The following IHO1 variants were observed in gnomAD, a reference collection of about 807,000 sequenced individuals.
IHO1 encodes the protein interactor of HORMAD1 1.
A neutral mutation model predicts 31.0 loss-of-function variants in IHO1; 13 were observed. The observed-to-expected ratio is 0.42, with a 90% confidence interval of 0.27 to 0.67. The LOEUF (loss-of-function observed/expected upper bound fraction) is 0.67, where lower values mean the gene tolerates loss of function less well. IHO1 is among the 30% of genes least tolerant of loss of function. IHO1 has a pLI of 0.24. For missense variants in IHO1, 599 were observed against 687.5 expected, an observed-to-expected ratio of 0.87 and a Z score of 1.44; for synonymous variants, 221 against 248.4, an observed-to-expected ratio of 0.89 and a Z score of 1.04.
chr3:49,239,438 C>T (rs1156465774), intron 3 of IHO1, among the ~76,000 whole-genome samples: 2 of 150,648 alleles, frequency 1.3e-5, no homozygotes, highest in African/African-American at 2.4e-5. Context: ...TGCACCACCA[C>T]GCCCAGCTAA....
chr3:49,220,013 T>C (rs1323575362), intron 2 of IHO1, among the ~76,000 whole-genome samples: 3 of 152,186 alleles, frequency 2.0e-5, no homozygotes, highest in African/African-American at 7.2e-5. Flanking sequence ...CCTCCAGATC[T>C]TTCTTTTCCG....
chr3:49,211,933 TG>T, intron 2 of IHO1, 97 bp downstream of exon 2: 1 of 723,984 alleles, frequency 1.4e-6, no homozygotes, highest in South Asian at 1.5e-5. Context: ...GAGGCCAAGG[TG>T]GGCAGATCAC....
Position 49,247,049 on chromosome 3 carries a change from A to G in IHO1, c.532+2316A>G, listed in dbSNP as rs2046703889. ...TTTTTAGTAGAGACGGGGTTTCACC[A>G]TGTTGGCCAGGCTGGTCTCGAACTC... On this transcript the variant is annotated intron_variant, in intron 6 of 7. Coordinates refer to ENST00000452691, the MANE Select transcript of IHO1 (RefSeq NM_001135197.2). 2.0e-5 allele frequency among the ~76,000 whole-genome samples: 3 copies of G among 151,712 alleles called. No individual in the cohort carries two copies. The South Asian group carries it at 6.2e-4, about 32-fold the overall frequency.
intron 7 of IHO1, 51 bp downstream of exon 7, chr3:49,255,544 G>C: frequency 1.4e-5 from 12 of 887,274 alleles, no homozygotes; most frequent in Non-Finnish European, 2.0e-5. Flanking sequence ...CTTTGAACTA[G>C]ACCCAGAGAG....
intron 2 of IHO1, among the ~76,000 whole-genome samples, chr3:49,221,737 T>C (rs954285395): frequency 6.6e-6 from 1 of 152,194 alleles, no homozygotes; most frequent in Admixed American, 6.5e-5. Context: ...ATCTATAGAC[T>C]GATGGCCTCG....
rs768927173 is a variant in IHO1 at position 49,210,697 on chromosome 3, CTTT to C, written c.-15-1054_-15-1052del. Among the ~76,000 whole-genome samples, 6 of 131,576 alleles carry C rather than the reference CTTT, an allele frequency of 4.6e-5. No individual in the cohort carries two copies. The South Asian group carries it at 7.2e-4, about 16-fold the overall frequency. The allele number at this position is 131,576 out of a possible 152,430, so 86.3% of individuals were successfully genotyped here. On this transcript the variant is annotated intron_variant, in intron 1 of 7. Coordinates refer to ENST00000452691, the MANE Select transcript of IHO1 (RefSeq NM_001135197.2). ...TACAGGCGTGAGCCACTGCGCCCGG[CTTT>C]TTTTTTTTTTTTTTGAGATGGGGTC...
At chr3:49,224,709 G>A (rs964694739) in intron 2 of IHO1, among the ~76,000 whole-genome samples, 1 of 152,166 alleles carries the variant, frequency 6.6e-6, no homozygotes, top group African/African-American at 2.4e-5. Flanking sequence ...ACTTCCATCG[G>A]TATATAGGTT....
intron 4 of IHO1, among the ~76,000 whole-genome samples, chr3:49,242,596 T>C (rs2046644040): frequency 6.6e-6 from 1 of 152,184 alleles, no homozygotes; most frequent in African/African-American, 2.4e-5. Context: ...ATTTTTCTTT[T>C]CAGATCATCA....
intron 7 of IHO1, 147 bp from the exon 8 acceptor site, chr3:49,255,987 C>A: frequency 1.4e-6 from 1 of 689,970 alleles, no homozygotes; most frequent in East Asian, 2.6e-5. Flanking sequence ...GTTCAACTCC[C>A]GAGTGTAATT....
upstream of IHO1, among the ~76,000 whole-genome samples, chr3:49,195,766 T>A (rs1003016525): frequency 6.6e-6 from 1 of 151,280 alleles, no homozygotes; most frequent in Non-Finnish European, 1.5e-5. Flanking sequence ...AATATATAAA[T>A]AAAGTGTGCA....
chr3:49,250,680 T>C (rs1006954738), intron 6 of IHO1, among the ~76,000 whole-genome samples: 3 of 152,180 alleles, frequency 2.0e-5, no homozygotes, highest in Non-Finnish European at 4.4e-5. Flanking sequence ...TCTAATTGAT[T>C]GACACATGGA....
upstream of IHO1, chr3:49,198,917 C>T (rs1185656865): frequency 6.5e-6 from 1 of 152,842 alleles, no homozygotes; most frequent in African/African-American, 2.4e-5. Flanking sequence ...CCCATCTGCC[C>T]ACGGCGCCTC....
chr3:49,234,133 A>C (rs1198640362), intron 2 of IHO1, among the ~76,000 whole-genome samples: 1 of 150,796 alleles, frequency 6.6e-6, no homozygotes, highest in Non-Finnish European at 1.5e-5. Context: ...TAAGTAACAC[A>C]AATTGTTACA....
At chr3:49,195,107 A>T (rs1251694153), upstream of IHO1, among the ~76,000 whole-genome samples, 7 of 152,064 alleles carry the variant, frequency 4.6e-5, no homozygotes, top group East Asian at 7.8e-4. Context: ...AAATAATTTT[A>T]AAAATGTAAT....
At chr3:49,203,207 A>C (rs2046092676) in intron 1 of IHO1, among the ~76,000 whole-genome samples, 1 of 152,108 alleles carries the variant, frequency 6.6e-6, no homozygotes, top group Admixed American at 6.6e-5. Context: ...AAGGAGATAG[A>C]GTTGTCTGTC....
intron 2 of IHO1, among the ~76,000 whole-genome samples, chr3:49,215,366 T>C (rs747008983): frequency 3.3e-5 from 5 of 152,168 alleles, no homozygotes; most frequent in Non-Finnish European, 7.3e-5. Flanking sequence ...TTTTAAGATA[T>C]AAATCCTACA....
chr3:49,254,011 T>A (rs1056632505), intron 6 of IHO1, among the ~76,000 whole-genome samples: 7 of 151,958 alleles, frequency 4.6e-5, no homozygotes, highest in Non-Finnish European at 1.0e-4. Context: ...TTTTTGTATT[T>A]TTAGTAGAGA....
At position 49,201,850 on chromosome 3, in the gene IHO1, G is replaced by A. The variant is rs145113528; in HGVS notation, c.-16+2277G>A. ...GGAAGATTGCTTGAGCCTGATAGGT[G>A]GAGGTTGTAGTGAGCCAAGATCGCA... is the stretch of plus-strand genomic sequence containing the variant. On this transcript the variant is annotated intron_variant, in intron 1 of 7. Coordinates refer to ENST00000452691, the MANE Select transcript of IHO1 (RefSeq NM_001135197.2). Among the ~76,000 whole-genome samples, 284 of 152,264 alleles carry A rather than the reference G, an allele frequency of 1.9e-3. 7 individuals carry two copies. The highest frequency in any genetic ancestry group is 6.8e-3 in the Middle Eastern group (2 of 294).
intron 2 of IHO1, among the ~76,000 whole-genome samples, chr3:49,226,974 G>A (rs942931424): frequency 6.6e-6 from 1 of 152,080 alleles, no homozygotes; most frequent in African/African-American, 2.4e-5. Context: ...TTCTTTGCTT[G>A]TTTTCTTCTG....
Sources: gnomAD v4.1 joint callset for allele counts (sites outside exome capture counted in the v4.1 genomes callset) on GRCh38, gnomAD v4.1.1 for gene constraint, MANE v1.5 for transcripts, NCBI Gene and HGNC (gene_info 2026-07-23, HGNC 2026-07-21) for gene names.